GLT1D1: variants seen among roughly 807,000 people sequenced by gnomAD.
The protein encoded by GLT1D1 is glycosyltransferase 1 domain-containing protein 1.
In GLT1D1, 21 loss-of-function variants were observed where a neutral mutation model predicts 28.7. The ratio of observed to expected loss-of-function variants is 0.73; its 90% CI spans 0.52 to 1.05. The LOEUF (loss-of-function observed/expected upper bound fraction) is 1.05. Among genes scored for constraint, GLT1D1 ranks in the 50% least tolerant of loss-of-function variants. The probability of loss-of-function intolerance (pLI) is 0.00; values close to 1 mark genes in which losing one functional copy is unlikely to be tolerated. For missense variants in GLT1D1, 343 were observed against 330.6 expected, an observed-to-expected ratio of 1.04 and a Z score of -0.29; for synonymous variants, 147 against 124.8, an observed-to-expected ratio of 1.18 and a Z score of -1.19.
rs1397894974 is a variant in GLT1D1, at chr12:128,942,735, G to GTTTTTTTTTTTTTTTTTTTTTTTTT, written c.376-2588_376-2587insTTTTTTTTTTTTTTTTTTTTTTTTT. Among the ~76,000 whole-genome samples the GTTTTTTTTTTTTTTTTTTTTTTTTT allele has an allele frequency of 7.2e-4, 64 of 89,486 alleles. 5 individuals are homozygous for GTTTTTTTTTTTTTTTTTTTTTTTTT. Among genetic ancestry groups the GTTTTTTTTTTTTTTTTTTTTTTTTT allele is most frequent in the African/African-American group, 2.6e-3 (60 of 23,088 alleles). 58.7% of individuals were successfully genotyped at this position (89,486 alleles called of 152,430 possible). On this transcript the variant is annotated intron_variant, in intron 4 of 7. Coordinates refer to ENST00000281703, the MANE Select transcript of GLT1D1 (RefSeq NM_144669.3). Reference sequence around the variant, plus strand: ...ATCACTTTAGATTCCAATTTTCTTTGTTTGTTTGTTTTTGTTTTTTGTTTT... The same window carrying GTTTTTTTTTTTTTTTTTTTTTTTTT: ...ATCACTTTAGATTCCAATTTTCTTTGTTTTTTTTTTTTTTTTTTTTTTTTTTTTGTTTGTTTTTGTTTTTTGTTTT...
At chr12:128,920,119 T>G (rs1056981535) in intron 4 of GLT1D1, among the ~76,000 whole-genome samples, 1 of 152,210 alleles carries the variant, frequency 6.6e-6, no homozygotes, top group Non-Finnish European at 1.5e-5. Context: ...CTCACTTGTT[T>G]TTTGTATGGA....
At chr12:128,919,286 A>G (rs974156729) in intron 4 of GLT1D1, among the ~76,000 whole-genome samples, 3 of 152,294 alleles carry the variant, frequency 2.0e-5, no homozygotes, top group East Asian at 1.9e-4. Context: ...GTTGGTAGAC[A>G]CTATTAGTGA....
At chr12:128,969,619 G>A (rs1878834743) in intron 7 of GLT1D1, among the ~76,000 whole-genome samples, 2 of 152,224 alleles carry the variant, frequency 1.3e-5, no homozygotes, top group Admixed American at 1.3e-4. Flanking sequence ...CCATCACCAA[G>A]GTGCGGAGGC....
intron 6 of GLT1D1, among the ~76,000 whole-genome samples, chr12:128,947,916 T>G (rs1407766068): frequency 6.6e-6 from 1 of 152,116 alleles, no homozygotes; most frequent in Admixed American, 6.5e-5. Flanking sequence ...GGCAGGGTAG[T>G]GTTCGTAGAT....
chr12:128,867,397 C>CAA lies in GLT1D1; in HGVS notation c.69-8499_69-8498dup, dbSNP rs1158997935. 1.3e-3 allele frequency among the ~76,000 whole-genome samples: 79 copies of CAA among 59,194 alleles called. 1 individual carries two copies. Among genetic ancestry groups the CAA allele is most frequent in the African/African-American group, 2.2e-3 (38 of 17,248 alleles). 38.8% of individuals were successfully genotyped at this position (59,194 alleles called of 152,430 possible). A position where few individuals can be genotyped will look rare whatever the true frequency, so the allele number is the denominator to read the frequency against. ...GGGCAACAAGAGTGAAACTCCTTCT[C>CAA]AAAAAAAAAAAAAAAAAAACAGAAA... On this transcript the variant is annotated intron_variant, in intron 1 of 7. Coordinates refer to ENST00000281703, the MANE Select transcript of GLT1D1 (RefSeq NM_144669.3).
chr12:128,879,462 T>TTTCTTTCTTTC (rs1555262493), intron 2 of GLT1D1, among the ~76,000 whole-genome samples: 12 of 85,962 alleles, frequency 1.4e-4, no homozygotes, highest in Non-Finnish European at 1.9e-4. Context: ...TTCTTTCTTT[T>TTTCTTTCTTTC]TTTTGGGGGG....
chr12:128,915,160 G>A (rs1871977999), intron 4 of GLT1D1, among the ~76,000 whole-genome samples, 171 bp downstream of exon 6: 1 of 152,228 alleles, frequency 6.6e-6, no homozygotes, highest in Middle Eastern at 3.4e-3. Context: ...GGAACAGCAG[G>A]GCTAGAAAGC....
chr12:128,964,051 T>C (rs535442171), intron 7 of GLT1D1, among the ~76,000 whole-genome samples: 2 of 152,174 alleles, frequency 1.3e-5, no homozygotes, highest in Non-Finnish European at 2.9e-5. Flanking sequence ...CCCTGTGTCC[T>C]CATGGTGGAA....
chr12:128,951,223 T>G (rs1239553822), intron 6 of GLT1D1, among the ~76,000 whole-genome samples: 3 of 152,004 alleles, frequency 2.0e-5, no homozygotes, highest in Non-Finnish European at 4.4e-5. Flanking sequence ...GCCAACATGA[T>G]GAAACCCTGT....
chr12:128,854,757 A>T (rs1378442366), intron 1 of GLT1D1, among the ~76,000 whole-genome samples: 1 of 152,102 alleles, frequency 6.6e-6, no homozygotes, highest in African/African-American at 2.4e-5. Context: ...TCGGCCTCCC[A>T]CAGTGCTGGG....
intron 7 of GLT1D1, among the ~76,000 whole-genome samples, chr12:128,977,251 C>T (rs1227736940): frequency 1.3e-5 from 2 of 152,120 alleles, no homozygotes; most frequent in Non-Finnish European, 2.9e-5. Context: ...AGAAATGCTC[C>T]ACCAGCAGCT....
At chr12:128,935,290 T>C (rs12810062) in intron 4 of GLT1D1, among the ~76,000 whole-genome samples, 1 of 152,182 alleles carries the variant, frequency 6.6e-6, no homozygotes, top group Non-Finnish European at 1.5e-5. Context: ...CTCACGTCTG[T>C]AATCCTTTTG....
At chr12:128,924,252 C>T (rs149707431) in intron 4 of GLT1D1, among the ~76,000 whole-genome samples, 24 of 151,908 alleles carry the variant, frequency 1.6e-4, no homozygotes, top group African/African-American at 5.5e-4. Flanking sequence ...CATGGCGAAA[C>T]CCCATCTCCA....
At chr12:128,941,907 T>C (rs470845) in intron 4 of GLT1D1, among the ~76,000 whole-genome samples, 382 of 19,256 alleles carry the variant, frequency 0.02, 2 homozygotes, top group African/African-American at 0.085. Context: ...CTCTCTCTCT[T>C]TTTTTTTTTT....
intron 2 of GLT1D1, among the ~76,000 whole-genome samples, chr12:128,884,282 A>G (rs1479708974): frequency 2.0e-5 from 3 of 152,204 alleles, no homozygotes; most frequent in Non-Finnish European, 4.4e-5. Flanking sequence ...AATGCGAAAT[A>G]CAATAAGCCA....
Position 128,957,565 on chromosome 12 carries a change from G to A in GLT1D1, c.561G>A (p.Pro187=), listed in dbSNP as rs769915142. The change falls in exon 7 of 8, where the codon CCG becomes CCA. Residue 187 remains proline (P), a synonymous_variant. Transcript: ENST00000281703. ...TCCAGGCAATGGATTTAGAAGTACCGGTATTGGCCAGGAACATCCCCGGGA... is the reference window on the plus strand; with the variant it reads ...TCCAGGCAATGGATTTAGAAGTACCAGTATTGGCCAGGAACATCCCCGGGA... The A allele has an allele frequency of 2.9e-5, 47 of 1,613,078 alleles. No individual in the cohort carries two copies. Among genetic ancestry groups the A allele is most frequent in the Middle Eastern group, 3.3e-4 (2 of 6,084 alleles).
chr12:128,908,372 T>TCTTC (rs1173829905), intron 4 of GLT1D1, among the ~76,000 whole-genome samples: 1 of 55,484 alleles, frequency 1.8e-5, no homozygotes, highest in Non-Finnish European at 4.7e-5. Context: ...TTTCTTTCTT[T>TCTTC]CTTTTCTTTC....
At chr12:128,899,729 T>C (rs1280472387) in intron 4 of GLT1D1, among the ~76,000 whole-genome samples, 3 of 152,008 alleles carry the variant, frequency 2.0e-5, no homozygotes, top group Non-Finnish European at 2.9e-5. Context: ...TTTTTGTATT[T>C]TTAGTAGAGA....
chr12:128,943,944 A>G (rs528575708), intron 4 of GLT1D1, among the ~76,000 whole-genome samples: 2 of 152,336 alleles, frequency 1.3e-5, no homozygotes, highest in South Asian at 4.1e-4. Context: ...CGGAAGCTTT[A>G]TCAACCACTT....
Sources: gnomAD v4.1 joint callset for allele counts (sites outside exome capture counted in the v4.1 genomes callset) on GRCh38, gnomAD v4.1.1 for gene constraint, MANE v1.5 for transcripts, NCBI Gene and HGNC (gene_info 2026-07-23, HGNC 2026-07-21) for gene names.